ZNF451: variants seen among roughly 807,000 people sequenced by gnomAD.
ZNF451 encodes E3 SUMO-protein ligase ZNF451.
Under a neutral mutation model 107.1 loss-of-function variants are expected in ZNF451, and 80 were observed. The ratio of observed to expected loss-of-function variants is 0.75; its 90% confidence interval spans 0.62 to 0.90. ZNF451 has a LOEUF of 0.90. ZNF451 is among the 40% of genes least tolerant of loss of function. The pLI is 0.00. For missense variants in ZNF451, 1,107 were observed against 1,236.2 expected, an observed-to-expected ratio of 0.90 and a Z score of 1.57; for synonymous variants, 362 against 406.5, an observed-to-expected ratio of 0.89 and a Z score of 1.32.
chr6:57,112,235 G>A (rs1485668775), intron 3 of ZNF451, among the ~76,000 whole-genome samples: 2 of 152,200 alleles, frequency 1.3e-5, no homozygotes, highest in Non-Finnish European at 2.9e-5. Context: ...ACTATGAATT[G>A]AAGCTTTAGG....
At chr6:57,163,832 G>A (rs1400285723) in intron 14 of ZNF451, among the ~76,000 whole-genome samples, 1 of 152,140 alleles carries the variant, frequency 6.6e-6, no homozygotes, top group African/African-American at 2.4e-5. Context: ...GGGAAATTAA[G>A]ATAGAGGCTA....
intron 5 of ZNF451, among the ~76,000 whole-genome samples, chr6:57,132,069 A>G (rs570119624): frequency 1.3e-4 from 20 of 152,316 alleles, no homozygotes; most frequent in Non-Finnish European, 2.2e-4. Context: ...TAAGAGAAAA[A>G]AATTGTGGAC....
At chr6:57,114,530 A>G (rs1830271819) in intron 3 of ZNF451, among the ~76,000 whole-genome samples, 1 of 152,180 alleles carries the variant, frequency 6.6e-6, no homozygotes, top group South Asian at 2.1e-4. Flanking sequence ...TTAATTCTTG[A>G]TTAATATGTT....
intron 14 of ZNF451, among the ~76,000 whole-genome samples, chr6:57,162,008 G>A (rs750777883): frequency 6.6e-6 from 1 of 152,216 alleles, no homozygotes; most frequent in Non-Finnish European, 1.5e-5. Flanking sequence ...CTTTACTTTG[G>A]TTTTTCTATA....
chr6:57,107,344 T>A, intron 3 of ZNF451: 1 of 983,924 alleles, frequency 1.0e-6, no homozygotes, highest in Non-Finnish European at 1.2e-6. Flanking sequence ...TATATTTAAA[T>A]ACCATGTCTT....
chr6:57,126,206 T>C (rs1440810551), intron 4 of ZNF451, among the ~76,000 whole-genome samples: 3 of 152,154 alleles, frequency 2.0e-5, no homozygotes, highest in Non-Finnish European at 2.9e-5. Context: ...TGAAGATTTT[T>C]TTTGAAATTT....
rs1400648199 is a variant in ZNF451, at chr6:57,147,618, G to A, written c.1533G>A (p.Gly511=). Residue 511 remains glycine, a synonymous_variant, in exon 10 of 15, where the codon GGG becomes GGA. Transcript: ENST00000370706. The part of the protein sequence containing the change: ...VVCGKVCDDS[G]VIRLHMSRIH... ...GTGGAAAGGTATGTGATGATTCAGG[G>A]GTCATTCGTTTACACATGAGCCGGA... 1.9e-6 allele frequency: 3 copies of A among 1,614,020 alleles called. No individual in the cohort carries two copies. Among genetic ancestry groups the A allele is most frequent in the Non-Finnish European group, 2.5e-6 (3 of 1,179,974 alleles).
At chr6:57,095,501 T>A (rs139438323) in intron 2 of ZNF451, among the ~76,000 whole-genome samples, 82 of 152,036 alleles carry the variant, frequency 5.4e-4, no homozygotes, top group African/African-American at 1.8e-3. Context: ...CCCAGCTAAT[T>A]TATTTTATTT....
intron 12 of ZNF451, 149 bp downstream of exon 12, chr6:57,152,500 AT>A: frequency 1.2e-6 from 1 of 863,662 alleles, no homozygotes; most frequent in Non-Finnish European, 1.8e-6. Context: ...CCCATAGCAT[AT>A]TTTTATTGCT....
Position 57,147,673 on chromosome 6 carries a change from CT to C in ZNF451, c.1592del (p.Phe531SerfsTer10). 2 of 1,614,122 alleles carry C rather than the reference CT, an allele frequency of 1.2e-6. No homozygotes were observed. Among genetic ancestry groups the C allele is most frequent in the Non-Finnish European group, 1.7e-6 (2 of 1,179,980 alleles). ...IHGGAHLNNF[L>X]FWCRTCKKEL... ...CGGAGGGGCACATTTAAATAACTTT[CT>C]TTTCTGGTGTCGGACATGCAAAAAG... On this transcript the variant is annotated frameshift_variant, in exon 10 of 15. Transcript: ENST00000370706. LOFTEE classifies it high-confidence loss of function.
At position 57,124,798 on chromosome 6, in the gene ZNF451, G is replaced by C. The variant is rs763095241; in HGVS notation, c.251G>C (p.Arg84Pro). ...GATAAAGTTGCTTTAACTCTGGCTCGTCTAGCCCGCCATGTTGAAGTGGAG... is the reference window on the plus strand; with the variant it reads ...GATAAAGTTGCTTTAACTCTGGCTCCTCTAGCCCGCCATGTTGAAGTGGAG... ...QKDKVALTLARLARHVEVEKQ... is the reference protein window; with the variant it reads ...QKDKVALTLAPLARHVEVEKQ... The change falls in exon 4 of 15, where the codon CGT becomes CCT. Residue 84 changes from arginine to proline, a missense_variant. This residue lies in a region of ZNF451 where 339 missense variants were observed against 372.8 expected (regional missense o/e 0.91). Transcript: ENST00000370706. The C allele has an allele frequency of 6.2e-7, 1 of 1,611,132 alleles. No homozygotes were observed. The highest frequency in any genetic ancestry group is 8.5e-7 in the Non-Finnish European group (1 of 1,177,854).
At chr6:57,108,824 G>C in intron 3 of ZNF451, 1 of 985,404 alleles carries the variant, frequency 1.0e-6, no homozygotes, top group Non-Finnish European at 1.2e-6. Flanking sequence ...ACTCTTGAGA[G>C]AAATTCATTC....
At chr6:57,151,833 T>TA (rs1832366301) in intron 11 of ZNF451, 1 of 157,456 alleles carries the variant, frequency 6.4e-6, no homozygotes, top group South Asian at 2.0e-4. Flanking sequence ...CTGGATAAGT[T>TA]AGCCAGTATA....
At position 57,154,176 on chromosome 6, in the gene ZNF451, A is replaced by G. The variant is rs552548071; in HGVS notation, c.3070+129A>G. 5.5e-5 allele frequency: 44 copies of G among 803,046 alleles called. No homozygotes were observed. In the East Asian group the frequency reaches 9.6e-4, roughly 18 times the overall value. The allele number at this position is 803,046 out of a possible 1,614,324, so 49.7% of individuals were successfully genotyped here. A position where few individuals can be genotyped will look rare whatever the true frequency, so the allele number is the denominator to read the frequency against. On this transcript the variant is annotated intron_variant, in intron 13 of 14. Coordinates refer to ENST00000370706, the MANE Select transcript of ZNF451 (RefSeq NM_001031623.3). ...TAAACCATCATGTTCTCTTACTTCT[A>G]TCTTACTTATCTTTTTTAAAAAAAT...
At chr6:57,102,717 A>C (rs1829664858) in intron 3 of ZNF451, 1 of 985,328 alleles carries the variant, frequency 1.0e-6, no homozygotes, top group Admixed American at 6.2e-5. Context: ...AATTTTGCCA[A>C]ATCCAGTTTG....
chr6:57,095,293 C>A (rs569627567), intron 2 of ZNF451, among the ~76,000 whole-genome samples: 2 of 121,282 alleles, frequency 1.6e-5, no homozygotes, highest in Non-Finnish European at 3.6e-5. Flanking sequence ...TAAATGACTT[C>A]TGTTTTTTCT....
At chr6:57,125,886 C>G (rs1373658113) in intron 4 of ZNF451, among the ~76,000 whole-genome samples, 2 of 152,112 alleles carry the variant, frequency 1.3e-5, no homozygotes, top group East Asian at 3.9e-4. Context: ...TATTTTTATC[C>G]TGGCAGAAAC....
intron 4 of ZNF451, among the ~76,000 whole-genome samples, chr6:57,125,256 AGC>A: frequency 6.6e-6 from 1 of 152,192 alleles, no homozygotes; most frequent in Non-Finnish European, 1.5e-5. Context: ...CTCAAATTTT[AGC>A]TTATCCTTCC....
chr6:57,101,756 G>A, intron 3 of ZNF451: 1 of 1,550,582 alleles, frequency 6.4e-7, no homozygotes, highest in Non-Finnish European at 8.7e-7. Context: ...TCTGTAGTCA[G>A]AGTTATGGCC....
Sources: allele counts gnomAD v4.1 joint callset (sites outside exome capture counted in the v4.1 genomes callset), GRCh38; gene constraint gnomAD v4.1.1; regional missense constraint gnomAD v4.1.1; transcripts MANE v1.5; gene names NCBI Gene and HGNC (gene_info 2026-07-23, HGNC 2026-07-21).